CFHR2: variants seen among roughly 807,000 people sequenced by gnomAD.
CFHR2 encodes the protein complement factor H-related protein 2.
A neutral mutation model predicts 21.7 loss-of-function variants in CFHR2; 22 were observed. That is an observed-to-expected ratio of 1.01 (90% CI 0.72 to 1.45). CFHR2 has a LOEUF of 1.45. CFHR2 is among the 40% of genes most tolerant of loss of function. The pLI, the probability that CFHR2 is intolerant of heterozygous loss-of-function variation, is 0.00. For missense variants in CFHR2, 294 were observed against 293.3 expected (o/e 1.00, Z -0.02); for synonymous variants, 98 against 97.4 (o/e 1.01, Z -0.04).
At chr1:196,949,716 A>T in intron 2 of CFHR2, 67 bp downstream of exon 2, 2 of 1,583,952 alleles carry the variant, frequency 1.3e-6, no homozygotes, top group Non-Finnish European at 1.7e-6. Flanking sequence ...GCCAGACAAG[A>T]TCATAAACAC....
chr1:196,953,778 A>T (rs1652750821), intron 3 of CFHR2, among the ~76,000 whole-genome samples: 1 of 152,182 alleles, frequency 6.6e-6, no homozygotes, highest in African/African-American at 2.4e-5. Context: ...AGTGCCTATA[A>T]CAGTACATAA....
chr1:196,956,789 C>A (rs1207520278), intron 3 of CFHR2, among the ~76,000 whole-genome samples: 1 of 150,840 alleles, frequency 6.6e-6, no homozygotes, highest in Non-Finnish European at 1.5e-5. Flanking sequence ...TTGAGAGTTT[C>A]CTGGTCCTTA....
chr1:196,958,853 T>G (rs769504515), intron 4 of CFHR2, 28 bp from the exon 5 acceptor site: 6 of 1,438,370 alleles, frequency 4.2e-6, no homozygotes, highest in Non-Finnish European at 5.8e-6. Context: ...CTACTTAATG[T>G]TTTATGTTCA....
At chr1:196,958,834 A>T in intron 4 of CFHR2, 47 bp from the exon 5 acceptor site, 1 of 1,250,626 alleles carries the variant, frequency 8.0e-7, no homozygotes, top group Non-Finnish European at 1.1e-6. Flanking sequence ...GTCTATGAAG[A>T]TTTGCATACT....
At chr1:196,953,429 T>C (rs1652729363) in intron 3 of CFHR2, among the ~76,000 whole-genome samples, 1 of 152,180 alleles carries the variant, frequency 6.6e-6, no homozygotes, top group Non-Finnish European at 1.5e-5. Context: ...ATTACAGGCA[T>C]GTGTCACCAC....
Position 196,959,189 on chromosome 1 carries a change from AT to A in CFHR2, c.*110del, listed in dbSNP as rs1653024617. 1 of 846,236 alleles carries A rather than the reference AT, an allele frequency of 1.2e-6. No individual in the cohort carries two copies. The highest frequency in any genetic ancestry group is 1.8e-6 in the Non-Finnish European group (1 of 560,696). 52.4% of individuals were successfully genotyped at this position (846,236 alleles called of 1,614,324 possible). ...CTGTTTTACTCATTTTTATTCATAA[AT>A]AAAGTTTTGTGTTGATTTGTGAAAA... is the stretch of plus-strand genomic sequence containing the variant. On this transcript the variant is annotated 3_prime_UTR_variant, in exon 5 of 5. Transcript: ENST00000367415.
rs1044115334 is a variant in CFHR2, at chr1:196,955,837, ACT to A, written c.431-2051_431-2050del. On this transcript the variant is annotated intron_variant, in intron 3 of 4. Coordinates refer to ENST00000367415, the MANE Select transcript of CFHR2 (RefSeq NM_005666.4). The stretch of plus-strand genomic sequence containing the variant: ...ACTGCAGTCTGGGTGACAGAGCGAG[ACT>A]CTGTCTCAAAAAAATAATAATAATA... 1.1e-4 allele frequency among the ~76,000 whole-genome samples: 17 copies of A among 152,046 alleles called. No individual in the cohort carries two copies. In the East Asian group the frequency reaches 2.1e-3, roughly 19 times the overall value.
intron 1 of CFHR2, 148 bp from the exon 2 acceptor site, chr1:196,949,307 T>C (rs1659634930): frequency 1.4e-6 from 1 of 705,200 alleles, no homozygotes; most frequent in Admixed American, 3.0e-5. Context: ...TGTCTTTTCA[T>C]TCCTAATTTG....
Position 196,950,322 on chromosome 1 carries a change from T to G in CFHR2, c.254-530T>G, listed in dbSNP as rs147387835. Among the ~76,000 whole-genome samples the G allele has an allele frequency of 6.6e-3, 1,010 of 152,278 alleles. 13 individuals are homozygous for G. The highest frequency in any genetic ancestry group is 0.023 in the African/African-American group (970 of 41,570). Reference sequence around the variant, plus strand: ...TTATAAAAAACATAGAGTAACAACATGAAATATTTTCTTCTATATGTACAT... The same window carrying G: ...TTATAAAAAACATAGAGTAACAACAGGAAATATTTTCTTCTATATGTACAT... On this transcript the variant is annotated intron_variant, in intron 2 of 4. Transcript: ENST00000367415.
chr1:196,958,070 T>G lies in CFHR2; in HGVS notation c.610T>G (p.Leu204Val). ...NGQWSEPPKC[L>V]DPCVISQEIM... ...ACAATGGTCAGAACCACCAAAATGC[T>G]TAGGTAAGTACTTTAATATTCTCAT... is the stretch of plus-strand genomic sequence containing the variant. Residue 204 changes from leucine (L) to valine (V), a missense_variant, in exon 4 of 5, where the codon TTA becomes GTA. Physicochemically the swap from Leu to Val is conservative, Grantham distance 32. Coordinates refer to ENST00000367415, the MANE Select transcript of CFHR2 (RefSeq NM_005666.4). 1 of 1,612,880 alleles carries G rather than the reference T, an allele frequency of 6.2e-7. No individual in the cohort carries two copies. Among genetic ancestry groups the G allele is most frequent in the Non-Finnish European group, 8.5e-7 (1 of 1,179,036 alleles).
At chr1:196,958,199 T>A in intron 4 of CFHR2, 126 bp downstream of exon 4, 1 of 880,072 alleles carries the variant, frequency 1.1e-6, no homozygotes. Context: ...GCCTACCAAA[T>A]GTCTATATGA....
intron 3 of CFHR2, among the ~76,000 whole-genome samples, chr1:196,956,843 T>C (rs933661124): frequency 7.9e-5 from 12 of 152,156 alleles, no homozygotes; most frequent in Admixed American, 2.6e-4. Flanking sequence ...ATTTTAGGTG[T>C]TATATTTTGA....
intron 3 of CFHR2, 65 bp from the exon 4 acceptor site, chr1:196,957,826 C>G: frequency 6.9e-7 from 1 of 1,440,684 alleles, no homozygotes; most frequent in Non-Finnish European, 9.7e-7. Context: ...GCCTTGTTTG[C>G]ATTTGCCTTA....
intron 3 of CFHR2, among the ~76,000 whole-genome samples, chr1:196,954,684 A>T (rs185977930): frequency 1.3e-5 from 2 of 151,978 alleles, no homozygotes; most frequent in Admixed American, 1.3e-4. Context: ...AACCAAAAAA[A>T]AACCTCAAAT....
chr1:196,949,739 G>A (rs1395667236), intron 2 of CFHR2, 90 bp downstream of exon 2: 7 of 1,523,928 alleles, frequency 4.6e-6, no homozygotes, highest in Non-Finnish European at 5.4e-6. Context: ...GATAATCACA[G>A]GAGCAGTGAC....
chr1:196,958,214 A>C lies in CFHR2; in HGVS notation c.613+141A>C, dbSNP rs565533552. ...GCCTACCAAATGTCTATATGATAGA[A>C]TGTAAAGTTTAGAAATTTTTCTCTT... On this transcript the variant is annotated intron_variant, in intron 4 of 4. Transcript: ENST00000367415. 1.3e-5 allele frequency: 9 copies of C among 671,714 alleles called. No individual in the cohort carries two copies. The South Asian group carries it at 4.2e-4, about 32-fold the overall frequency. The allele number at this position is 671,714 out of a possible 1,614,324, so 41.6% of individuals were successfully genotyped here.
At position 196,958,526 on chromosome 1, in the gene CFHR2, G is replaced by C. The variant is rs1031187916; in HGVS notation, c.614-355G>C. 4.0e-5 allele frequency among the ~76,000 whole-genome samples: 6 copies of C among 151,606 alleles called. No individual in the cohort carries two copies. In the South Asian group the frequency reaches 1.2e-3, roughly 31 times the overall value. On this transcript the variant is annotated intron_variant, in intron 4 of 4. Coordinates refer to ENST00000367415, the MANE Select transcript of CFHR2 (RefSeq NM_005666.4). ...TTAATGTCATTACATTTCTCTATTT[G>C]ATTCCCAGTTCTTGTTCATCTTATT...
intron 3 of CFHR2, among the ~76,000 whole-genome samples, chr1:196,955,741 G>T (rs1652850155): frequency 6.6e-6 from 1 of 152,106 alleles, no homozygotes; most frequent in African/African-American, 2.4e-5. Context: ...CGGCTATTTG[G>T]GAGGCTGAGG....
At chr1:196,958,135 CT>C in intron 4 of CFHR2, 62 bp downstream of exon 4, 1 of 1,500,622 alleles carries the variant, frequency 6.7e-7, no homozygotes, top group Non-Finnish European at 9.2e-7. Flanking sequence ...TGATATTTCA[CT>C]GTTTGTAATA....
Sources: gnomAD v4.1 joint callset for allele counts (sites outside exome capture counted in the v4.1 genomes callset) on GRCh38, gnomAD v4.1.1 for gene constraint, MANE v1.5 for transcripts, NCBI Gene and HGNC (gene_info 2026-07-23, HGNC 2026-07-21) for gene names.